NLRP5: variants seen among roughly 807,000 people sequenced by gnomAD.
NLRP5 encodes the protein NLR family pyrin domain containing 5, also known as NACHT, LRR and PYD domains-containing protein 5.
Under a neutral mutation model 113.1 loss-of-function variants are expected in NLRP5, and 93 were observed. That is an observed-to-expected ratio of 0.82 (90% CI 0.70 to 0.98). NLRP5 has a LOEUF of 0.98. NLRP5 is among the 50% of genes least tolerant of loss of function. The pLI is 0.00. For synonymous variants in NLRP5, 751 were observed against 600.7 expected, an observed-to-expected ratio of 1.25 and a Z score of -3.66; for missense variants, 1,808 against 1,514.3, an observed-to-expected ratio of 1.19 and a Z score of -3.22.
intron 4 of NLRP5, among the ~76,000 whole-genome samples, chr19:56,017,346 CA>C (rs1982447237): frequency 1.4e-5 from 2 of 143,278 alleles, no homozygotes; most frequent in Non-Finnish European, 2.9e-5. Context: ...TCACTAACCC[CA>C]AAAGGGGGTT....
At chr19:55,990,463 G>A in the NLRP5 span, among the ~76,000 whole-genome samples, 1 of 152,062 alleles carries the variant, frequency 6.6e-6, no homozygotes, top group African/African-American at 2.4e-5. Flanking sequence ...GGCCGAGGCA[G>A]GTGGATCATT....
At chr19:56,022,217 TCTCCA>T (rs1348461352) in intron 6 of NLRP5, among the ~76,000 whole-genome samples, 3 of 152,070 alleles carry the variant, frequency 2.0e-5, no homozygotes, top group Admixed American at 6.5e-5. Flanking sequence ...GGAGATACAC[TCTCCA>T]CTCCACCCCT....
At chr19:55,990,079 C>CTTTTCTTTTCTTTTTTTTTTTTTTTT in the NLRP5 span, among the ~76,000 whole-genome samples, 1 of 95,958 alleles carries the variant, frequency 1.0e-5, no homozygotes, top group Non-Finnish European at 2.0e-5. Flanking sequence ...TTTCTTTTTT[C>CTTTTCTTTTCTTTTTTTTTTTTTTTT]TTTTTTTTTT....
intron 2 of NLRP5, among the ~76,000 whole-genome samples, chr19:56,004,986 C>T (rs1981798919): frequency 6.6e-6 from 1 of 151,154 alleles, no homozygotes; most frequent in Admixed American, 6.6e-5. Flanking sequence ...CCCAGCTACT[C>T]AGGAGACTGA....
chr19:55,992,494 A>C, the NLRP5 span, among the ~76,000 whole-genome samples: 1 of 152,174 alleles, frequency 6.6e-6, no homozygotes, highest in Non-Finnish European at 1.5e-5. Context: ...AACAGTGTAT[A>C]AGCTTTCCAT....
chr19:56,020,231 C>T (rs2123293095), intron 5 of NLRP5, 144 bp from the exon 6 acceptor site: 2 of 881,622 alleles, frequency 2.3e-6, no homozygotes, highest in Middle Eastern at 2.2e-4. Flanking sequence ...TACCAGTGCA[C>T]TCTGTCTTCT....
intron 11 of NLRP5, among the ~76,000 whole-genome samples, chr19:56,047,529 A>C (rs1032815273): frequency 6.6e-6 from 1 of 152,068 alleles, no homozygotes; most frequent in Non-Finnish European, 1.5e-5. Context: ...ACGTGTTTGC[A>C]TGGTTTTGAA....
upstream of NLRP5, among the ~76,000 whole-genome samples, chr19:55,994,961 G>A (rs1474786372): frequency 2.0e-5 from 3 of 152,084 alleles, no homozygotes; most frequent in African/African-American, 7.2e-5. Context: ...TTCTGCATAT[G>A]GTTATCCCGT....
chr19:56,025,253 C>T (rs993870145), intron 6 of NLRP5, among the ~76,000 whole-genome samples: 1 of 152,174 alleles, frequency 6.6e-6, no homozygotes, highest in African/African-American at 2.4e-5. Flanking sequence ...AAACCACCCC[C>T]TTCCACCCCG....
chr19:55,989,290 C>G, the NLRP5 span, among the ~76,000 whole-genome samples: 5 of 152,332 alleles, frequency 3.3e-5, no homozygotes, highest in African/African-American at 9.6e-5. Context: ...AAGTCTCCCT[C>G]TTTTGCCCAG....
At chr19:55,997,718 C>A (rs749128274), upstream of NLRP5, among the ~76,000 whole-genome samples, 1 of 152,022 alleles carries the variant, frequency 6.6e-6, no homozygotes, top group South Asian at 2.1e-4. Context: ...AAAAAAATAG[C>A]TGGGTGTGGT....
intron 11 of NLRP5, among the ~76,000 whole-genome samples, chr19:56,042,094 C>G (rs180966108): frequency 6.6e-6 from 1 of 152,216 alleles, no homozygotes; most frequent in Non-Finnish European, 1.5e-5. Context: ...TGTCTGGAGA[C>G]TCAAGTTCTT....
chr19:56,052,241 G>C (rs1983956468), intron 12 of NLRP5, among the ~76,000 whole-genome samples: 1 of 133,226 alleles, frequency 7.5e-6, no homozygotes, highest in Non-Finnish European at 1.6e-5. Context: ...GTGGGGTTTT[G>C]TTTTGTTTTG....
chr19:56,045,115 C>T (rs1156962945), intron 11 of NLRP5, among the ~76,000 whole-genome samples: 1 of 152,146 alleles, frequency 6.6e-6, no homozygotes, highest in Admixed American at 6.6e-5. Context: ...CTGGAGGAGT[C>T]CTTAGAGCTT....
chr19:56,003,555 A>G (rs1981735928), intron 1 of NLRP5, among the ~76,000 whole-genome samples, 181 bp from the exon 2 acceptor site: 1 of 152,252 alleles, frequency 6.6e-6, no homozygotes, highest in Non-Finnish European at 1.5e-5. Flanking sequence ...GGTACAGACA[A>G]CAAAATGTCC....
chr19:55,999,783 C>G lies in NLRP5; in HGVS notation c.58C>G (p.Arg20Gly), dbSNP rs775094722. ...TGCTGCTCTGCTCTCAGCATCACCA[C>G]GTGCGTCGACAGCCTCTTAGAGTTA... Residue 20 changes from arginine (R) to glycine (G), a missense_variant, in exon 1 of 15, where the codon CGT (arginine) becomes GGT (glycine). Arg to Gly is a moderately radical substitution (Grantham distance 125). Coordinates refer to ENST00000390649, the MANE Select transcript of NLRP5 (RefSeq NM_153447.4). The G allele has an allele frequency of 1.9e-6, 3 of 1,612,810 alleles. No individual in the cohort carries two copies. Among genetic ancestry groups the G allele is most frequent in the Non-Finnish European group, 2.5e-6 (3 of 1,178,910 alleles).
At chr19:55,994,398 C>T in the NLRP5 span, among the ~76,000 whole-genome samples, 27 of 152,026 alleles carry the variant, frequency 1.8e-4, no homozygotes, top group Non-Finnish European at 3.1e-4. Context: ...TCCCATTCTG[C>T]GGGGTTTTTT....
In NLRP5 at chr19:56,061,477, C is replaced by A; in HGVS notation, c.3552C>A (p.Asp1184Glu). 6.2e-7 allele frequency: 1 copy of A among 1,613,970 alleles called. No homozygotes were observed. The highest frequency in any genetic ancestry group is 8.5e-7 in the Non-Finnish European group (1 of 1,179,846). ...TACTCAAGCCCCGAGTCGTAATTGA[C>A]GGTAGTTGGCATTCTTTTGATGAAG... Residue 1184 changes from aspartate to glutamate, a missense_variant, in exon 15 of 15, where the codon GAC (aspartate) becomes GAA (glutamate). By Grantham distance (45) the Asp-to-Glu change is conservative. Coordinates refer to ENST00000390649, the MANE Select transcript of NLRP5 (RefSeq NM_153447.4).
At chr19:56,038,644 G>A (rs987928462) in intron 10 of NLRP5, among the ~76,000 whole-genome samples, 2 of 152,082 alleles carry the variant, frequency 1.3e-5, no homozygotes, top group Non-Finnish European at 2.9e-5. Context: ...TCTGGGCACA[G>A]AGAGGCTCAA....
Sources: allele counts gnomAD v4.1 joint callset (sites outside exome capture counted in the v4.1 genomes callset), GRCh38; gene constraint gnomAD v4.1.1; transcripts MANE v1.5; gene names NCBI Gene and HGNC (gene_info 2026-07-23, HGNC 2026-07-21).